The following NRXN1 variants were observed in gnomAD, a reference collection of about 807,000 sequenced individuals.
NRXN1 encodes the protein neurexin 1.
Under a neutral mutation model 150.9 loss-of-function variants are expected in NRXN1, and 39 were observed. The observed-to-expected ratio is 0.26, with a 90% CI of 0.20 to 0.34. The LOEUF (loss-of-function observed/expected upper bound fraction) is 0.34, where lower values mean the gene tolerates loss of function less well. NRXN1 is among the 10% of genes least tolerant of loss of function. The pLI is 1.00. For missense variants in NRXN1, 1,815 were observed against 1,949.9 expected (o/e 0.93, Z 1.30); for synonymous variants, 924 against 757.0 (o/e 1.22, Z -3.62).
intron 17 of NRXN1, among the ~76,000 whole-genome samples, chr2:50,439,092 T>C (rs1384876071): frequency 6.6e-6 from 1 of 152,156 alleles, no homozygotes; most frequent in African/African-American, 2.4e-5. Context: ...ATTGTGTCTG[T>C]AGGATCGGTG....
intron 18 of NRXN1, among the ~76,000 whole-genome samples, chr2:50,164,263 C>T (rs12476510): frequency 0.066 from 10,101 of 152,090 alleles, 396 homozygotes; most frequent in Middle Eastern, 0.13. Context: ...AGTACAGAGA[C>T]GGCAAAGACA....
intron 5 of NRXN1, among the ~76,000 whole-genome samples, chr2:50,769,304 T>A (rs1421488604): frequency 6.6e-6 from 1 of 152,054 alleles, no homozygotes; most frequent in Non-Finnish European, 1.5e-5. Context: ...AGATGGGTTA[T>A]CCAACTCAAT....
At chr2:50,106,244 G>T (rs780757024) in intron 18 of NRXN1, among the ~76,000 whole-genome samples, 25 of 151,676 alleles carry the variant, frequency 1.6e-4, no homozygotes, top group Non-Finnish European at 3.2e-4. Context: ...ATAAGCATTG[G>T]TCTAGCATTT....
intron 18 of NRXN1, among the ~76,000 whole-genome samples, chr2:50,225,682 A>C (rs2064307346): frequency 6.6e-6 from 1 of 151,984 alleles, no homozygotes; most frequent in South Asian, 2.1e-4. Flanking sequence ...CTTTAAAGAA[A>C]GGAACAGATA....
At chr2:50,574,310 G>C (rs1022898329) in intron 8 of NRXN1, among the ~76,000 whole-genome samples, 2 of 151,814 alleles carry the variant, frequency 1.3e-5, no homozygotes, top group African/African-American at 4.8e-5. Flanking sequence ...AGAGGATGTC[G>C]CTAAAAATTG....
chr2:51,026,154 A>C (rs1024520669), intron 2 of NRXN1, among the ~76,000 whole-genome samples: 1 of 152,226 alleles, frequency 6.6e-6, no homozygotes, highest in African/African-American at 2.4e-5. Flanking sequence ...GTCAGCAAAA[A>C]TCAAAGACAT....
At chr2:49,999,107 T>A (rs1683486283) in intron 21 of NRXN1, among the ~76,000 whole-genome samples, 2 of 152,332 alleles carry the variant, frequency 1.3e-5, no homozygotes, top group South Asian at 2.1e-4. Flanking sequence ...TGTGTTTCTA[T>A]CAGCAACCAG....
At chr2:50,202,474 C>A (rs2152834809) in intron 18 of NRXN1, among the ~76,000 whole-genome samples, 1 of 152,104 alleles carries the variant, frequency 6.6e-6, no homozygotes, top group African/African-American at 2.4e-5. Flanking sequence ...CTACTACATT[C>A]CAGCCTGGGC....
chr2:50,376,917 T>C (rs1028422807), intron 17 of NRXN1, among the ~76,000 whole-genome samples: 1 of 151,992 alleles, frequency 6.6e-6, no homozygotes, highest in South Asian at 2.1e-4. Context: ...CGCTCTGCGC[T>C]TCTGTTCCCA....
intron 12 of NRXN1, among the ~76,000 whole-genome samples, chr2:50,512,359 T>C (rs2092482278): frequency 1.3e-5 from 2 of 152,202 alleles, no homozygotes; most frequent in Non-Finnish European, 2.9e-5. Context: ...AATGTGTTTA[T>C]TATTTTATAT....
At chr2:50,682,586 G>T (rs1392730485) in intron 5 of NRXN1, among the ~76,000 whole-genome samples, 2 of 152,114 alleles carry the variant, frequency 1.3e-5, no homozygotes, top group Non-Finnish European at 2.9e-5. Context: ...ATAGCTTGGG[G>T]TCAGTTCAGA....
chr2:50,432,119 A>T (rs1572948969), intron 17 of NRXN1, among the ~76,000 whole-genome samples: 3 of 152,256 alleles, frequency 2.0e-5, no homozygotes, highest in Middle Eastern at 6.8e-3. Context: ...CAGGGAGTGA[A>T]TACCTATGCT....
At chr2:50,684,520 T>C (rs966841680) in intron 5 of NRXN1, among the ~76,000 whole-genome samples, 2 of 151,962 alleles carry the variant, frequency 1.3e-5, no homozygotes, top group Non-Finnish European at 2.9e-5. Flanking sequence ...GAAAATACAA[T>C]AAATTTAAAA....
At chr2:49,979,146 A>G (rs1679536821) in intron 21 of NRXN1, among the ~76,000 whole-genome samples, 1 of 152,102 alleles carries the variant, frequency 6.6e-6, no homozygotes, top group African/African-American at 2.4e-5. Context: ...AAAATTCCAA[A>G]ATTAGCCAGG....
At chr2:50,433,888 T>A (rs2085190542) in intron 17 of NRXN1, among the ~76,000 whole-genome samples, 1 of 151,964 alleles carries the variant, frequency 6.6e-6, no homozygotes, top group South Asian at 2.1e-4. Context: ...TTGCTTTTTT[T>A]CTCTCTTGGC....
At chr2:50,196,931 G>A (rs935173790) in intron 18 of NRXN1, among the ~76,000 whole-genome samples, 13 of 152,134 alleles carry the variant, frequency 8.5e-5, no homozygotes, top group African/African-American at 2.4e-5. Context: ...GGAGGAAGGA[G>A]TGGAGAAAAA....
chr2:50,247,206 A>G (rs1052465382), intron 17 of NRXN1, among the ~76,000 whole-genome samples: 1 of 152,108 alleles, frequency 6.6e-6, no homozygotes, highest in African/African-American at 2.4e-5. Flanking sequence ...AACATGGTCG[A>G]CTTAGTTATA....
chr2:50,560,017 C>A (rs1271441150), intron 8 of NRXN1, among the ~76,000 whole-genome samples: 2 of 152,168 alleles, frequency 1.3e-5, no homozygotes, highest in African/African-American at 4.8e-5. Context: ...GAAAATTAGA[C>A]ATTTCCCTTC....
chr2:50,780,726 A>T (rs1704248677), intron 5 of NRXN1, among the ~76,000 whole-genome samples: 1 of 152,008 alleles, frequency 6.6e-6, no homozygotes, highest in Non-Finnish European at 1.5e-5. Context: ...TTTGAATATT[A>T]ATTATGTTGA....
Sources: allele counts gnomAD v4.1 joint callset (sites outside exome capture counted in the v4.1 genomes callset), GRCh38; gene constraint gnomAD v4.1.1; transcripts MANE v1.5; gene names NCBI Gene and HGNC (gene_info 2026-07-23, HGNC 2026-07-21).